NAV1: variants seen among roughly 807,000 people sequenced by gnomAD.
NAV1 encodes the protein pore membrane and/or filament interacting like protein 3.
NAV1 carries 18 observed loss-of-function variants against 175.2 expected under a neutral mutation model. The observed-to-expected ratio is 0.10, with a 90% CI of 0.07 to 0.15. The LOEUF (loss-of-function observed/expected upper bound fraction) is 0.15. Ranked by LOEUF, NAV1 falls within the 10% of genes least tolerant of loss-of-function variation. The pLI is 1.00. For synonymous variants in NAV1, 897 were observed against 978.7 expected (o/e 0.92, Z 1.56); for missense variants, 1,731 against 2,436.6 (o/e 0.71, Z 6.10).
chr1:201,783,953 T>C, intron 7 of NAV1, 101 bp downstream of exon 11: 1 of 1,134,670 alleles, frequency 8.8e-7, no homozygotes, highest in Non-Finnish European at 1.2e-6. Context: ...TTTGTGACTT[T>C]TGACATTTTT....
Position 201,787,816 on chromosome 1 carries a change from G to A in NAV1, c.2996-652G>A. ...GGATTCAGCTGAACCCAGCTTCAAAGCACATTCCACAAGCCTTACCTGACA... is the reference window on the plus strand; with the variant it reads ...GGATTCAGCTGAACCCAGCTTCAAAACACATTCCACAAGCCTTACCTGACA... On this transcript the variant is annotated intron_variant, in intron 9 of 29. Coordinates refer to ENST00000367296, the Ensembl canonical transcript of NAV1. The surrounding 1 kb of genome is among the most constrained non-coding windows in gnomAD (Gnocchi z 4.3). 2.3e-6 allele frequency: 1 copy of A among 428,938 alleles called. No individual in the cohort carries two copies. Among genetic ancestry groups the A allele is most frequent in the Admixed American group, 2.5e-5 (1 of 40,494 alleles). 26.6% of individuals were successfully genotyped at this position (428,938 alleles called of 1,614,324 possible). A position where few individuals can be genotyped will look rare whatever the true frequency, so the allele number is the denominator to read the frequency against.
At chr1:201,605,508 C>T (rs921791379) in intron 2 of NAV1, among the ~76,000 whole-genome samples, 4 of 152,092 alleles carry the variant, frequency 2.6e-5, no homozygotes, top group Admixed American at 6.6e-5. Context: ...TAACAAGTCA[C>T]GAGACTGACA....
intron 2 of NAV1, among the ~76,000 whole-genome samples, chr1:201,598,557 A>G (rs964615630): frequency 1.4e-4 from 22 of 152,170 alleles, no homozygotes; most frequent in Admixed American, 9.2e-4. Context: ...AAGACCAGAG[A>G]GCAAGGGCCA....
At chr1:201,726,780 G>A (rs1403081557) in intron 3 of NAV1, among the ~76,000 whole-genome samples, 1 of 152,166 alleles carries the variant, frequency 6.6e-6, no homozygotes, top group African/African-American at 2.4e-5. Context: ...CTTGGAAGAT[G>A]AGGACATTAA....
rs1003720033 is a variant in NAV1 at position 201,546,148 on chromosome 1, T to A, written c.-144+6806T>A. On this transcript the variant is annotated intron_variant, in intron 1 of 33. Transcript: ENST00000685211. Reference sequence around the variant, plus strand: ...TACGAAGCAGCTGCCTGCCTTTGTCTCTCATCTGGGACCATTCTGTATGGC... The same window carrying A: ...TACGAAGCAGCTGCCTGCCTTTGTCACTCATCTGGGACCATTCTGTATGGC... Among the ~76,000 whole-genome samples, 9 of 152,336 alleles carry A rather than the reference T, an allele frequency of 5.9e-5. No homozygotes were observed. In the East Asian group the frequency reaches 1.7e-3, roughly 29 times the overall value.
At chr1:201,668,061 C>T (rs925228461) in intron 1 of NAV1, among the ~76,000 whole-genome samples, 1 of 152,234 alleles carries the variant, frequency 6.6e-6, no homozygotes, top group African/African-American at 2.4e-5. Flanking sequence ...TGTCTTCCTC[C>T]TGCTGAGGGA....
chr1:201,679,455 ACCT>A (rs960882987), intron 1 of NAV1, among the ~76,000 whole-genome samples: 2 of 151,338 alleles, frequency 1.3e-5, no homozygotes, highest in African/African-American at 4.9e-5. Context: ...GTTTCTATAG[ACCT>A]CCTCCTTCCT....
intron 3 of NAV1, among the ~76,000 whole-genome samples, chr1:201,756,816 C>CTTTCTTTT (rs1674504862): frequency 6.8e-5 from 1 of 14,726 alleles, no homozygotes; most frequent in Non-Finnish European, 1.7e-4. Flanking sequence ...TTCCTTCTTT[C>CTTTCTTTT]TTTCTTTCTT....
At chr1:201,647,162 C>T (rs1242887798), upstream of NAV1, among the ~76,000 whole-genome samples, 1 of 152,204 alleles carries the variant, frequency 6.6e-6, no homozygotes, top group Non-Finnish European at 1.5e-5. Flanking sequence ...GCCTTTTGCT[C>T]AGGCAACCTG....
intron 2 of NAV1, among the ~76,000 whole-genome samples, chr1:201,635,138 A>C (rs1668582572): frequency 6.6e-6 from 1 of 151,924 alleles, no homozygotes; most frequent in African/African-American, 2.4e-5. Flanking sequence ...TCCTGGGTTG[A>C]TGCCATTCTC....
chr1:201,559,672 C>G (rs1666138944), intron 1 of NAV1, among the ~76,000 whole-genome samples: 1 of 151,942 alleles, frequency 6.6e-6, no homozygotes, highest in South Asian at 2.1e-4. Flanking sequence ...TTTAGCAGCC[C>G]TTAAGAACAG....
intron 3 of NAV1, among the ~76,000 whole-genome samples, chr1:201,736,706 C>T (rs1306267064): frequency 6.6e-6 from 1 of 152,180 alleles, no homozygotes; most frequent in Non-Finnish European, 1.5e-5. Context: ...TAAAGAGCTG[C>T]TGTGAGAGTG....
At chr1:201,577,303 T>C (rs986935455) in intron 1 of NAV1, among the ~76,000 whole-genome samples, 3 of 152,246 alleles carry the variant, frequency 2.0e-5, no homozygotes, top group Non-Finnish European at 4.4e-5. Flanking sequence ...TTTGAGGAAG[T>C]CTAATTTATC....
chr1:201,785,557 T>G (rs889187414), intron 8 of NAV1, among the ~76,000 whole-genome samples: 2 of 152,162 alleles, frequency 1.3e-5, no homozygotes, highest in Non-Finnish European at 2.9e-5. Context: ...AGTGTTCTTT[T>G]TTTGGTGACA....
intron 2 of NAV1, among the ~76,000 whole-genome samples, chr1:201,639,369 G>A (rs1668687872): frequency 1.3e-5 from 2 of 152,172 alleles, no homozygotes; most frequent in South Asian, 4.1e-4. Flanking sequence ...TGGAGTTCTG[G>A]CTTTAAAAGA....
rs144499467 is a variant in NAV1, at chr1:201,708,532, C to A, written c.758-4285C>A. On this transcript the variant is annotated intron_variant, in intron 1 of 29. Transcript: ENST00000367296. The stretch of plus-strand genomic sequence containing the variant: ...GCTAAGACAGCACGCACTCCCAGGC[C>A]CCCAGAGTAAGTTTTGGAGGGTGGC... Among the ~76,000 whole-genome samples the A allele has an allele frequency of 2.1e-3, 313 of 152,164 alleles. 1 individual carries two copies. The highest frequency in any genetic ancestry group is 7.0e-3 in the African/African-American group (291 of 41,498).
In NAV1 at chr1:201,810,540, G is replaced by A. The variant is rs16849379; in HGVS notation, c.4579G>A (p.Val1527Ile). ...GGGTTCAGGTCTGAAGGAGAAATGCGTCGACAGCCTGGTGTTCGAGACGCT... is the reference window on the plus strand; with the variant it reads ...GGGTTCAGGTCTGAAGGAGAAATGCATCGACAGCCTGGTGTTCGAGACGCT... The change falls in exon 24 of 30, where the codon GTC becomes ATC. Residue 1527 changes from valine (V) to isoleucine (I), a missense_variant. Val to Ile is a conservative substitution (Grantham distance 29, BLOSUM62 3). Coordinates refer to ENST00000367296, the Ensembl canonical transcript of NAV1. This position sits in a 1 kb window ranked among gnomAD's most constrained non-coding sequence, Gnocchi z 6.0. 7.9e-4 allele frequency: 1,278 copies of A among 1,610,848 alleles called. 12 individuals are homozygous for A. The African/African-American group carries it at 0.014, about 18-fold the overall frequency.
chr1:201,555,072 A>G (rs977574145), intron 1 of NAV1, among the ~76,000 whole-genome samples: 2 of 152,100 alleles, frequency 1.3e-5, no homozygotes, highest in Non-Finnish European at 2.9e-5. Context: ...CCCTCTCCTT[A>G]TAAATACAGC....
chr1:201,614,208 T>G (rs1276536385), intron 2 of NAV1, among the ~76,000 whole-genome samples: 1 of 152,242 alleles, frequency 6.6e-6, no homozygotes, highest in Non-Finnish European at 1.5e-5. Context: ...TTCTTTCTTT[T>G]TTTGGCATAT....
Sources: allele counts gnomAD v4.1 joint callset (sites outside exome capture counted in the v4.1 genomes callset), GRCh38; gene constraint gnomAD v4.1.1; non-coding constraint Gnocchi (gnomAD v3.1); transcripts MANE v1.5; gene names NCBI Gene and HGNC (gene_info 2026-07-23, HGNC 2026-07-21).